ZNF708: variants seen among roughly 807,000 people sequenced by gnomAD.
The protein encoded by ZNF708 is ZNF15, ZNF15L1.
ZNF708 carries 44 observed loss-of-function variants against 47.0 expected under a neutral mutation model. The observed-to-expected ratio is 0.94, with a 90% CI of 0.74 to 1.20. The LOEUF is 1.20. Among genes scored for constraint, ZNF708 ranks in the 50% most tolerant of loss-of-function variants. ZNF708 has a pLI of 0.00. For synonymous variants in ZNF708, 184 were observed against 218.5 expected (o/e 0.84, Z 1.39); for missense variants, 557 against 656.0 (o/e 0.85, Z 1.65).
At chr19:21,300,642 A>T (rs1972639729) in intron 3 of ZNF708, among the ~76,000 whole-genome samples, 1 of 151,838 alleles carries the variant, frequency 6.6e-6, no homozygotes, top group African/African-American at 2.4e-5. Context: ...AATCATTGTC[A>T]TATACAATTT....
At chr19:21,318,852 A>T (rs1041639777) in intron 1 of ZNF708, 2 of 152,330 alleles carry the variant, frequency 1.3e-5, no homozygotes, top group African/African-American at 4.8e-5. Flanking sequence ...GCAGCATTCC[A>T]ATTTAGTAAA....
chr19:21,293,406 C>T lies in ZNF708; in HGVS notation c.1560G>A (p.Met520Ile). The T allele has an allele frequency of 6.4e-7, 1 of 1,563,756 alleles. No homozygotes were observed. Among genetic ancestry groups the T allele is most frequent in the Non-Finnish European group, 8.7e-7 (1 of 1,152,826 alleles). ...GKAFNQSSTL[M>I]KHKIIHTGEK... ...CTCCAGTATGAATTATCTTATGTTT[C>T]ATAAGGGTTGAGGACTGGTTAAAAG... is the stretch of plus-strand genomic sequence containing the variant. The change falls in exon 4 of 4, where the codon ATG becomes ATA. Residue 520 changes from methionine (M) to isoleucine (I), a missense_variant. By Grantham distance (10) the Met-to-Ile change is conservative. Coordinates refer to ENST00000356929, the MANE Select transcript of ZNF708 (RefSeq NM_021269.3).
intron 1 of ZNF708, among the ~76,000 whole-genome samples, chr19:21,327,532 CAAA>C (rs34203181): frequency 7.5e-6 from 1 of 133,864 alleles, no homozygotes; most frequent in Non-Finnish European, 1.6e-5. Context: ...AACTCCACCT[CAAA>C]AAAAAAAAAA....
intron 1 of ZNF708, 25 bp downstream of exon 1, chr19:21,329,185 T>C: frequency 1.9e-6 from 3 of 1,611,742 alleles, no homozygotes; most frequent in Non-Finnish European, 1.7e-6. Flanking sequence ...TTCCCCTCTC[T>C]CGGGATGTCG....
intron 3 of ZNF708, among the ~76,000 whole-genome samples, chr19:21,295,016 C>T (rs1452424354): frequency 6.7e-6 from 1 of 150,006 alleles, no homozygotes; most frequent in Admixed American, 6.7e-5. Context: ...CCCAACACAC[C>T]TCTTTCTGCT....
At chr19:21,310,031 T>C (rs1353337945) in intron 2 of ZNF708, among the ~76,000 whole-genome samples, 1 of 149,872 alleles carries the variant, frequency 6.7e-6, no homozygotes, top group African/African-American at 2.5e-5. Flanking sequence ...CACAGATAAA[T>C]CCTACATTTT....
intron 3 of ZNF708, among the ~76,000 whole-genome samples, chr19:21,298,612 G>C (rs1972592416): frequency 6.6e-6 from 1 of 152,112 alleles, no homozygotes; most frequent in Non-Finnish European, 1.5e-5. Flanking sequence ...AACAATGTTA[G>C]AGGTATCACA....
At position 21,292,958 on chromosome 19, in the gene ZNF708, T is replaced by G; in HGVS notation, c.*316A>C. ...GTCACATTTTTCGCATTTTTAAAGT[T>G]CCTCACCAGTATGATTTATTTTATG... On this transcript the variant is annotated 3_prime_UTR_variant, in exon 4 of 4. Transcript: ENST00000356929. The G allele has an allele frequency of 4.3e-6, 1 of 235,122 alleles. No individual in the cohort carries two copies. The highest frequency in any genetic ancestry group is 8.4e-6 in the Non-Finnish European group (1 of 118,862). The allele number at this position is 235,122 out of a possible 1,614,324, so 14.6% of individuals were successfully genotyped here.
At chr19:21,329,103 G>T in intron 1 of ZNF708, 107 bp downstream of exon 1, 1 of 1,508,728 alleles carries the variant, frequency 6.6e-7, no homozygotes, top group Non-Finnish European at 9.2e-7. Context: ...AACTCGGAGC[G>T]CAGATTGTGG....
intron 3 of ZNF708, among the ~76,000 whole-genome samples, chr19:21,295,829 G>GGT (rs1972516904): frequency 6.6e-6 from 1 of 152,012 alleles, no homozygotes; most frequent in South Asian, 2.1e-4. Flanking sequence ...ATTAGGGCAG[G>GGT]ATGACCCCAT....
In ZNF708 at chr19:21,291,994, C is replaced by CA; in HGVS notation, c.*1279dup. The CA allele has an allele frequency of 6.6e-6, 1 of 152,068 alleles. No homozygotes were observed. Among genetic ancestry groups the CA allele is most frequent in the Non-Finnish European group, 1.5e-5 (1 of 68,036 alleles). 9.4% of individuals were successfully genotyped at this position (152,068 alleles called of 1,614,324 possible). On this transcript the variant is annotated 3_prime_UTR_variant, in exon 4 of 4. Coordinates refer to ENST00000356929, the MANE Select transcript of ZNF708 (RefSeq NM_021269.3). ...TTAGTTTGGGATCATTTTTAACAGT[C>CA]AGCACTTTGATATAGTGTAATGTCT...
In ZNF708 at chr19:21,291,446, G is replaced by GTTC. The variant is rs1318401347; in HGVS notation, c.*1827_*1828insGAA. On this transcript the variant is annotated 3_prime_UTR_variant, in exon 4 of 4. Transcript: ENST00000356929. ...AAGAAACTCTCCTATCTTTGATGCC[G>GTTC]TGACAACTGATCACATGCTTTCACA... The GTTC allele has an allele frequency of 6.6e-6, 1 of 152,168 alleles. No individual in the cohort carries two copies. Among genetic ancestry groups the GTTC allele is most frequent in the Admixed American group, 6.5e-5 (1 of 15,288 alleles). The allele number at this position is 152,168 out of a possible 1,614,324, so 9.4% of individuals were successfully genotyped here.
chr19:21,316,558 G>A (rs2968057), intron 1 of ZNF708, among the ~76,000 whole-genome samples: 4 of 152,146 alleles, frequency 2.6e-5, no homozygotes, highest in African/African-American at 9.7e-5. Context: ...GAGAAAAAAG[G>A]AATTAAAAAT....
At chr19:21,300,548 A>AAACC (rs898110030) in intron 3 of ZNF708, among the ~76,000 whole-genome samples, 3 of 149,744 alleles carry the variant, frequency 2.0e-5, no homozygotes, top group Admixed American at 2.0e-4. Context: ...TTACACAAGC[A>AAACC]AACAGAGATA....
chr19:21,308,278 A>AT (rs1404509167), intron 3 of ZNF708, among the ~76,000 whole-genome samples: 1 of 151,216 alleles, frequency 6.6e-6, no homozygotes, highest in African/African-American at 2.4e-5. Context: ...ACTATAATAA[A>AT]TCTTTTTTTT....
In ZNF708 at chr19:21,293,367, T is replaced by A. The variant is rs1438781948; in HGVS notation, c.1599A>T (p.Lys533Asn). Residue 533 changes from lysine (K) to asparagine (N), a missense_variant, in exon 4 of 4, where the codon AAA (lysine) becomes AAT (asparagine). Coordinates refer to ENST00000356929, the MANE Select transcript of ZNF708 (RefSeq NM_021269.3). Reference sequence around the variant, plus strand: ...TAAAGGCTTTGCCACATTCTTCACATTTGTAGGGTTTCTCTCCAGTATGAA... The same window carrying A: ...TAAAGGCTTTGCCACATTCTTCACAATTGTAGGGTTTCTCTCCAGTATGAA... ...KIIHTGEKPY[K>N]CEECGKAFNQ... is the part of the protein sequence containing the mutation. 1 of 1,613,642 alleles carries A rather than the reference T, an allele frequency of 6.2e-7. No individual in the cohort carries two copies. Among genetic ancestry groups the A allele is most frequent in the South Asian group, 1.1e-5 (1 of 91,072 alleles).
intron 1 of ZNF708, among the ~76,000 whole-genome samples, chr19:21,326,256 T>C (rs1431419982): frequency 6.6e-6 from 1 of 152,184 alleles, no homozygotes; most frequent in South Asian, 2.1e-4. Flanking sequence ...AAAAATATAC[T>C]TGCACACGCA....
At chr19:21,299,512 A>C (rs1012106464) in intron 3 of ZNF708, among the ~76,000 whole-genome samples, 25 of 151,626 alleles carry the variant, frequency 1.6e-4, no homozygotes, top group Non-Finnish European at 3.4e-4. Context: ...GCACTTGGAG[A>C]GGCTGAGACA....
rs150475533 is a variant in ZNF708 at position 21,296,978 on chromosome 19, T to C, written c.227-2239A>G. Among the ~76,000 whole-genome samples the C allele has an allele frequency of 3.5e-4, 53 of 150,642 alleles. No homozygotes were observed. In the East Asian group the frequency reaches 0.01, roughly 29 times the overall value. The stretch of plus-strand genomic sequence containing the variant: ...TGAAACCCCATCTCAACTAAATATA[T>C]AAAAATTAGCTGGGCGTGGTGGTGG... On this transcript the variant is annotated intron_variant, in intron 3 of 3. Coordinates refer to ENST00000356929, the MANE Select transcript of ZNF708 (RefSeq NM_021269.3).
Sources: gnomAD v4.1 joint callset for allele counts (sites outside exome capture counted in the v4.1 genomes callset) on GRCh38, gnomAD v4.1.1 for gene constraint, MANE v1.5 for transcripts, NCBI Gene and HGNC (gene_info 2026-07-23, HGNC 2026-07-21) for gene names.